DNAH7: variants seen among roughly 807,000 people sequenced by gnomAD.
The protein encoded by DNAH7 is axonemal beta dynein heavy chain 7.
A neutral mutation model predicts 444.6 loss-of-function variants in DNAH7; 397 were observed. The observed-to-expected ratio is 0.89, with a 90% CI of 0.82 to 0.97. DNAH7 has a LOEUF of 0.97. Ranked by LOEUF, DNAH7 falls within the 50% of genes least tolerant of loss-of-function variation. The pLI is 0.00. For synonymous variants in DNAH7, 1,636 were observed against 1,624.4 expected (o/e 1.01, Z -0.17); for missense variants, 4,902 against 4,800.8 (o/e 1.02, Z -0.62).
intron 10 of DNAH7, among the ~76,000 whole-genome samples, chr2:196,011,732 A>G (rs890640504): frequency 2.0e-5 from 3 of 152,218 alleles, no homozygotes; most frequent in African/African-American, 7.2e-5. Context: ...GCATCAAGAG[A>G]TACAGCTAAT....
At chr2:196,039,670 G>C (rs1213421470) in intron 5 of DNAH7, among the ~76,000 whole-genome samples, 1 of 151,478 alleles carries the variant, frequency 6.6e-6, no homozygotes. Flanking sequence ...GTGGAGGTGT[G>C]TTCCTGTTAT....
At chr2:195,899,585 A>G (rs1240012873) in intron 28 of DNAH7, among the ~76,000 whole-genome samples, 1 of 152,228 alleles carries the variant, frequency 6.6e-6, no homozygotes, top group Non-Finnish European at 1.5e-5. Context: ...ATTATTATGG[A>G]AGATAAAAAT....
chr2:195,754,481 A>C lies in DNAH7; in HGVS notation c.11620T>G (p.Trp3874Gly). The change falls in exon 63 of 65, where the codon TGG (tryptophan) becomes GGG (glycine). Residue 3874 changes from tryptophan to glycine, a missense_variant. Physicochemically the swap from Trp to Gly is radical, Grantham distance 184 (BLOSUM62 -2). Transcript: ENST00000312428. ...WYEVGPPPVF[W>G]LSGFFFTQAF... is the part of the protein sequence containing the mutation. ...TGTGTGAAGAAGAAGCCAGAAAGCC[A>C]GAAGACTGGAGGAGGACCAACCTCA... is the stretch of plus-strand genomic sequence containing the variant. 6.2e-7 allele frequency: 1 copy of C among 1,614,108 alleles called. No homozygotes were observed.
In DNAH7 at chr2:195,960,499, A is replaced by G. The variant is rs773462513; in HGVS notation, c.2652T>C (p.Tyr884=). 1.9e-6 allele frequency: 3 copies of G among 1,614,188 alleles called. No individual in the cohort carries two copies. The highest frequency in any genetic ancestry group is 3.3e-5 in the Admixed American group (2 of 60,016). ...SSFLDMNLEP[Y]IDRFEGISEA... ...CACTAATACCTTCAAATCGGTCTAT[A>G]TATGGTTCCAGATTCATGTCTAAAA... The change falls in exon 18 of 65, where the codon TAT becomes TAC. Residue 884 remains tyrosine, a synonymous_variant. Coordinates refer to ENST00000312428, the MANE Select transcript of DNAH7 (RefSeq NM_018897.3).
intron 27 of DNAH7, chr2:195,900,738 T>C (rs1686652080): frequency 2.8e-6 from 1 of 353,898 alleles, no homozygotes; most frequent in Non-Finnish European, 5.2e-6. Flanking sequence ...ACTGTAGCAC[T>C]GTGGGGTGAC....
At position 195,857,529 on chromosome 2, in the gene DNAH7, T is replaced by C; in HGVS notation, c.8262A>G (p.Glu2754=). The C allele has an allele frequency of 1.2e-6, 2 of 1,614,028 alleles. No individual in the cohort carries two copies. The highest frequency in any genetic ancestry group is 1.7e-6 in the Non-Finnish European group (2 of 1,179,934). Residue 2754 remains glutamate (E), a synonymous_variant, in exon 44 of 65, where the codon GAA becomes GAG. Coordinates refer to ENST00000312428, the MANE Select transcript of DNAH7 (RefSeq NM_018897.3). ...GDMRFLQSLH[E]YDKDNIPPAY... Reference sequence around the variant, plus strand: ...CTGGAGGAATATTGTCCTTGTCATATTCATGAAGTGACTGCAGAAACCTCA... The same window carrying C: ...CTGGAGGAATATTGTCCTTGTCATACTCATGAAGTGACTGCAGAAACCTCA...
intron 15 of DNAH7, among the ~76,000 whole-genome samples, chr2:195,981,757 T>C (rs1692588625): frequency 6.6e-6 from 1 of 152,144 alleles, no homozygotes; most frequent in Admixed American, 6.5e-5. Flanking sequence ...AACTGGATAT[T>C]CATATGCAGA....
intron 57 of DNAH7, among the ~76,000 whole-genome samples, chr2:195,787,483 A>G (rs1695677414): frequency 6.6e-6 from 1 of 152,196 alleles, no homozygotes. Flanking sequence ...ATCATAAGGC[A>G]ACATGTAACA....
intron 63 of DNAH7, among the ~76,000 whole-genome samples, chr2:195,743,091 C>G (rs1231401565): frequency 6.6e-6 from 1 of 152,216 alleles, no homozygotes; most frequent in East Asian, 1.9e-4. Context: ...TCATCTTTCT[C>G]CCATGCTGGA....
rs1477837653 is a variant in DNAH7, at chr2:195,858,688, A to T, written c.7853T>A (p.Val2618Asp). The T allele has an allele frequency of 6.2e-7, 1 of 1,613,892 alleles. No homozygotes were observed. The highest frequency in any genetic ancestry group is 8.5e-7 in the Non-Finnish European group (1 of 1,179,954). ...CATTTCATCAACCTCTTTGCTAGCA[A>T]CTTTTAATTGAGGATGTAGTGCCTC... ...ELEALHPQLKVASKEVDEMMI... is the reference protein window; with the variant it reads ...ELEALHPQLKDASKEVDEMMI... The change falls in exon 43 of 65, where the codon GTT (valine) becomes GAT (aspartate). Residue 2618 changes from valine to aspartate, a missense_variant. By Grantham distance (152) the Val-to-Asp change is radical. Transcript: ENST00000312428.
chr2:195,923,648 T>C lies in DNAH7; in HGVS notation c.3772A>G (p.Ile1258Val), dbSNP rs752374589. 1.2e-6 allele frequency: 2 copies of C among 1,614,118 alleles called. No homozygotes were observed. Among genetic ancestry groups the C allele is most frequent in the South Asian group, 1.1e-5 (1 of 91,084 alleles). The change falls in exon 23 of 65, where the codon ATT becomes GTT. Residue 1258 changes from isoleucine (I) to valine (V), a missense_variant. By Grantham distance (29) the Ile-to-Val change is conservative. Coordinates refer to ENST00000312428, the MANE Select transcript of DNAH7 (RefSeq NM_018897.3). ...CATTCAAAGTCAGAGTCATCGCTAATATTTTTTTTTACAAGTGATGAGAGG... is the reference window on the plus strand; with the variant it reads ...CATTCAAAGTCAGAGTCATCGCTAACATTTTTTTTTACAAGTGATGAGAGG... Reference protein sequence around the residue: ...DVLSSLVKKNISDDSDFEWLS... With the variant: ...DVLSSLVKKNVSDDSDFEWLS...
At chr2:195,847,333 C>T (rs1699066133) in intron 46 of DNAH7, among the ~76,000 whole-genome samples, 1 of 151,626 alleles carries the variant, frequency 6.6e-6, no homozygotes, top group African/African-American at 2.4e-5. Context: ...AAGATCATGT[C>T]CTCTGCAGCA....
chr2:196,010,734 A>G (rs1694679693), intron 10 of DNAH7, among the ~76,000 whole-genome samples: 1 of 152,150 alleles, frequency 6.6e-6, no homozygotes, highest in Non-Finnish European at 1.5e-5. Context: ...TGTGTATAGT[A>G]TATAAAATGT....
intron 54 of DNAH7, 62 bp from the exon 55 acceptor site, chr2:195,799,534 T>C (rs1240712243): frequency 5.0e-6 from 7 of 1,397,606 alleles, no homozygotes; most frequent in Non-Finnish European, 5.6e-6. Flanking sequence ...CCATTAAAAA[T>C]TTAGATTCAA....
intron 47 of DNAH7, among the ~76,000 whole-genome samples, chr2:195,840,787 A>G (rs1002195499): frequency 5.9e-5 from 9 of 151,842 alleles, no homozygotes; most frequent in Admixed American, 1.3e-4. Context: ...TGATGAAAGA[A>G]ATCAAAGGAG....
intron 24 of DNAH7, among the ~76,000 whole-genome samples, chr2:195,913,508 T>C (rs1687482319): frequency 6.6e-6 from 1 of 152,150 alleles, no homozygotes; most frequent in African/African-American, 2.4e-5. Context: ...AATGTTAAAC[T>C]TGGAGAATAT....
chr2:195,848,931 A>G (rs1699183402), intron 46 of DNAH7, among the ~76,000 whole-genome samples: 1 of 152,236 alleles, frequency 6.6e-6, no homozygotes, highest in Non-Finnish European at 1.5e-5. Flanking sequence ...TAAAATGGTT[A>G]AGACAGCACT....
At chr2:195,927,462 G>A (rs932472141) in intron 21 of DNAH7, among the ~76,000 whole-genome samples, 6 of 151,644 alleles carry the variant, frequency 4.0e-5, no homozygotes, top group African/African-American at 1.2e-4. Flanking sequence ...AAGAAGCCAC[G>A]GAAAGAACAG....
rs529412915 is a variant in DNAH7 at position 195,864,097 on chromosome 2, T to C, written c.7506+52A>G. 4.3e-5 allele frequency: 68 copies of C among 1,563,758 alleles called. No homozygotes were observed. The Middle Eastern group carries it at 5.1e-4, about 12-fold the overall frequency. On this transcript the variant is annotated intron_variant, in intron 41 of 64. Transcript: ENST00000312428. ...GAATCTATAAAATAAGTCATGATGA[T>C]AGTGGAAATTCAACATTTCTAGAAG...
Sources: allele counts gnomAD v4.1 joint callset (sites outside exome capture counted in the v4.1 genomes callset), GRCh38; gene constraint gnomAD v4.1.1; transcripts MANE v1.5; gene names NCBI Gene and HGNC (gene_info 2026-07-23, HGNC 2026-07-21).